Variants in C4BPA observed in about 807,000 individuals in gnomAD.
The protein encoded by C4BPA is C4b-binding protein alpha chain.
C4BPA carries 31 observed loss-of-function variants against 63.7 expected under a neutral mutation model. The observed-to-expected ratio is 0.49, with a 90% CI of 0.37 to 0.66. The LOEUF is 0.66. Among genes scored for constraint, C4BPA ranks in the 30% least tolerant of loss-of-function variants. The pLI is 0.00. For missense variants in C4BPA, 572 were observed against 723.3 expected (o/e 0.79, Z 2.40); for synonymous variants, 259 against 254.7 (o/e 1.02, Z -0.16).
At chr1:207,115,618 T>G in intron 4 of C4BPA, 103 bp downstream of exon 4, 1 of 596,068 alleles carries the variant, frequency 1.7e-6, no homozygotes, top group South Asian at 2.5e-5. Flanking sequence ...AAGATAGACG[T>G]TGAGAATTCT....
At chr1:207,108,401 C>G (rs185502949) in intron 1 of C4BPA, among the ~76,000 whole-genome samples, 5 of 152,136 alleles carry the variant, frequency 3.3e-5, no homozygotes, top group African/African-American at 1.2e-4. Context: ...AATCCAGGAA[C>G]GACTCCTTTG....
At chr1:207,105,097 C>T (rs1019013741) in intron 1 of C4BPA, among the ~76,000 whole-genome samples, 2 of 152,176 alleles carry the variant, frequency 1.3e-5, no homozygotes, top group African/African-American at 4.8e-5. Flanking sequence ...TTTAATTCTT[C>T]AACCACTTGT....
At chr1:207,143,728 C>T in intron 10 of C4BPA, 90 bp from the exon 11 acceptor site, 2 of 891,914 alleles carry the variant, frequency 2.2e-6, no homozygotes, top group South Asian at 3.2e-5. Flanking sequence ...ATTAGCAGAA[C>T]TAAATACAGT....
At chr1:207,134,346 C>T in intron 8 of C4BPA, 58 bp from the exon 9 acceptor site, 1 of 1,259,394 alleles carries the variant, frequency 7.9e-7, no homozygotes, top group South Asian at 1.3e-5. Context: ...GGTTGTTAGC[C>T]ATAGAAGCTT....
intron 1 of C4BPA, 111 bp from the exon 2 acceptor site, chr1:207,112,890 C>T: frequency 1.9e-6 from 2 of 1,030,462 alleles, no homozygotes; most frequent in African/African-American, 1.7e-5. Flanking sequence ...TGTTTTGTTT[C>T]CACTCCAGGC....
intron 8 of C4BPA, among the ~76,000 whole-genome samples, chr1:207,131,960 G>A (rs561603649): frequency 2.0e-5 from 3 of 152,280 alleles, no homozygotes; most frequent in Admixed American, 1.3e-4. Context: ...AGAATCAAAT[G>A]AGAAGTAGAC....
intron 9 of C4BPA, among the ~76,000 whole-genome samples, chr1:207,135,161 A>G (rs1351723743): frequency 2.0e-5 from 3 of 152,010 alleles, no homozygotes; most frequent in Non-Finnish European, 2.9e-5. Context: ...ATATGGCGAA[A>G]CCTGGTCTCT....
In C4BPA at chr1:207,144,899, T is replaced by C; in HGVS notation, c.*182T>C. On this transcript the variant is annotated 3_prime_UTR_variant, in exon 12 of 12. Transcript: ENST00000367070. ...GTGAAATTATTAATCATCCTCTGTG[T>C]GGCTCATGTTTTTGCTTTTCAACAC... 1 of 377,316 alleles carries C rather than the reference T, an allele frequency of 2.7e-6. No individual in the cohort carries two copies. The highest frequency in any genetic ancestry group is 4.6e-6 in the Non-Finnish European group (1 of 217,186). 23.4% of individuals were successfully genotyped at this position (377,316 alleles called of 1,614,324 possible).
At position 207,144,007 on chromosome 1, in the gene C4BPA, T is replaced by C; in HGVS notation, c.1620+14T>C. 6.5e-7 allele frequency: 1 copy of C among 1,548,778 alleles called. No individual in the cohort carries two copies. The highest frequency in any genetic ancestry group is 8.7e-7 in the Non-Finnish European group (1 of 1,150,708). On this transcript the variant is annotated intron_variant, in intron 11 of 11. Transcript: ENST00000367070. Reference sequence around the variant, plus strand: ...AAGTGTGAGTGGGTAAGTGGCACAATTCAAGGAAGTTCTGTGCTGTCGACC... The same window carrying C: ...AAGTGTGAGTGGGTAAGTGGCACAACTCAAGGAAGTTCTGTGCTGTCGACC...
In C4BPA at chr1:207,131,528, T is replaced by C; in HGVS notation, c.890-18T>C. 6.4e-7 allele frequency: 1 copy of C among 1,571,820 alleles called. No individual in the cohort carries two copies. The highest frequency in any genetic ancestry group is 8.7e-7 in the Non-Finnish European group (1 of 1,145,082). ...TAATAGCGTCCTTTTGTTCTTCTTC[T>C]TCTTCTTTCATGAGTAGATAGTTGT... is the stretch of plus-strand genomic sequence containing the variant. On this transcript the variant is annotated intron_variant, in intron 7 of 11. Transcript: ENST00000367070.
At chr1:207,108,450 A>AT in intron 1 of C4BPA, among the ~76,000 whole-genome samples, 1 of 152,330 alleles carries the variant, frequency 6.6e-6, no homozygotes, top group East Asian at 1.9e-4. Flanking sequence ...TGTCACGTAG[A>AT]TTATCATCTG....
chr1:207,116,726 C>G (rs1289955494), intron 4 of C4BPA, among the ~76,000 whole-genome samples: 1 of 151,968 alleles, frequency 6.6e-6, no homozygotes. Flanking sequence ...ATTTCCTCTA[C>G]TTCTTTTATA....
intron 7 of C4BPA, among the ~76,000 whole-genome samples, chr1:207,129,997 T>C (rs1685127364): frequency 6.6e-6 from 1 of 152,310 alleles, no homozygotes; most frequent in South Asian, 2.1e-4. Context: ...ATATATTGCA[T>C]TTCTGTATGT....
chr1:207,137,484 G>A (rs1685306578), intron 9 of C4BPA, among the ~76,000 whole-genome samples: 1 of 152,220 alleles, frequency 6.6e-6, no homozygotes, highest in Non-Finnish European at 1.5e-5. Flanking sequence ...GGAAGGAGGA[G>A]TGGGGCTGGG....
intron 1 of C4BPA, among the ~76,000 whole-genome samples, chr1:207,108,330 C>T (rs193150271): frequency 8.9e-5 from 13 of 146,790 alleles, no homozygotes; most frequent in Admixed American, 8.6e-4. Flanking sequence ...ACTAAGATAA[C>T]CAGTCAGAAT....
intron 4 of C4BPA, 119 bp downstream of exon 4, chr1:207,115,634 C>T: frequency 3.7e-6 from 2 of 535,658 alleles, no homozygotes; most frequent in East Asian, 3.8e-5. Context: ...ATTCTCATTT[C>T]CATCCTATCT....
intron 1 of C4BPA, among the ~76,000 whole-genome samples, chr1:207,107,972 A>T (rs1684592711): frequency 6.6e-6 from 1 of 152,134 alleles, no homozygotes; most frequent in South Asian, 2.1e-4. Flanking sequence ...CTGGGTGGAG[A>T]TTGTCACCTT....
At chr1:207,136,216 C>G (rs1020312585) in intron 9 of C4BPA, among the ~76,000 whole-genome samples, 2 of 152,174 alleles carry the variant, frequency 1.3e-5, no homozygotes, top group Admixed American at 6.5e-5. Context: ...TGCTGTTGGG[C>G]CCATGCTTGT....
chr1:207,126,659 C>T (rs577720124), intron 6 of C4BPA, 54 bp from the exon 7 acceptor site: 2 of 1,344,550 alleles, frequency 1.5e-6, no homozygotes, highest in Non-Finnish European at 2.1e-6. Flanking sequence ...GCAGTAATAT[C>T]CTTATTACCA....
Sources: allele counts gnomAD v4.1 joint callset (sites outside exome capture counted in the v4.1 genomes callset), GRCh38; gene constraint gnomAD v4.1.1; transcripts MANE v1.5; gene names NCBI Gene and HGNC (gene_info 2026-07-23, HGNC 2026-07-21).